Variants in ZNF816 observed in about 807,000 individuals in gnomAD.
ZNF816 encodes the protein zinc finger protein 816A.
Under a neutral mutation model 8.3 loss-of-function variants are expected in ZNF816, and 11 were observed. That is an observed-to-expected ratio of 1.32 (90% CI 0.83 to 2.19). The LOEUF is 2.19. Ranked by LOEUF, ZNF816 falls within the 30% of genes most tolerant of loss-of-function variation. The pLI, the probability that ZNF816 is intolerant of heterozygous loss-of-function variation, is 0.00. For missense variants in ZNF816, 710 were observed against 779.3 expected (o/e 0.91, Z 1.06); for synonymous variants, 255 against 254.5 (o/e 1.00, Z -0.02).
In ZNF816 at chr19:52,957,749, TA is replaced by T. The variant is rs1192029912; in HGVS notation, c.-15-1646del. ...CCCAGACTTGTACTGTAGGAAGACA[TA>T]AAGTGATTCACCAGTTCTTGTACAT... is the stretch of plus-strand genomic sequence containing the variant. On this transcript the variant is annotated intron_variant, in intron 1 of 3. Coordinates refer to ENST00000444460, the MANE Select transcript of ZNF816 (RefSeq NM_001202457.3). The surrounding 1 kb of genome is among the most constrained non-coding windows in gnomAD (Gnocchi z 4.6). Among the ~76,000 whole-genome samples, 6 of 152,174 alleles carry T rather than the reference TA, an allele frequency of 3.9e-5. No homozygotes were observed. Among genetic ancestry groups the T allele is most frequent in the Non-Finnish European group, 8.8e-5 (6 of 68,036 alleles).
At chr19:52,955,740 T>G (rs958546378) in intron 2 of ZNF816, among the ~76,000 whole-genome samples, 3 of 152,178 alleles carry the variant, frequency 2.0e-5, no homozygotes, top group African/African-American at 7.2e-5. Flanking sequence ...GAACAATCCC[T>G]GCTGCCCAAC....
At chr19:52,956,396 C>G (rs1235192506) in intron 1 of ZNF816, 1 of 257,384 alleles carries the variant, frequency 3.9e-6, no homozygotes, top group Non-Finnish European at 7.4e-6. Context: ...AGAGCACAGC[C>G]CCCTCACCTC....
At chr19:52,955,210 A>C (rs1284731961) in intron 2 of ZNF816, among the ~76,000 whole-genome samples, 1 of 152,202 alleles carries the variant, frequency 6.6e-6, no homozygotes, top group Non-Finnish European at 1.5e-5. Context: ...AAAACAAAAA[A>C]AAAGTCTCTG....
rs561987741 is a variant in ZNF816, at chr19:52,950,613, G to C, written c.1162C>G (p.His388Asp). The change falls in exon 4 of 4, where the codon CAT becomes GAT. Residue 388 changes from histidine to aspartate, a missense_variant. Coordinates refer to ENST00000444460, the MANE Select transcript of ZNF816 (RefSeq NM_001202457.3). ...FSQKSSLQCH[H>D]ILHTGEKPYK... ...GGTTTCTCTCCAGTGTGAAGTATAT[G>C]ATGGCATTGAAGGGATGATTTCTGA... is the stretch of plus-strand genomic sequence containing the variant. The C allele has an allele frequency of 6.2e-7, 1 of 1,614,140 alleles. No homozygotes were observed. Among genetic ancestry groups the C allele is most frequent in the South Asian group, 1.1e-5 (1 of 91,080 alleles).
chr19:52,951,009 C>A lies in ZNF816; in HGVS notation c.766G>T (p.Glu256Ter). 1 of 1,614,026 alleles carries A rather than the reference C, an allele frequency of 6.2e-7. No homozygotes were observed. The highest frequency in any genetic ancestry group is 8.5e-7 in the Non-Finnish European group (1 of 1,179,978). The stretch of plus-strand genomic sequence containing the variant: ...TTGCCACATACATCACATTTATATT[C>A]TCTCTCTCTTGAATGGGTTATGTGG... ...RHHITHSRER[E>*]YKCDVCGKIF... Residue 256 changes from glutamate (E) to a stop codon, truncating the protein, a stop_gained, in exon 4 of 4, where the codon GAA (glutamate) becomes TAA (stop). Transcript: ENST00000444460. LOFTEE classifies it low-confidence loss of function (END_TRUNC).
rs753764754 is a variant in ZNF816 at position 52,950,267 on chromosome 19, T to C, written c.1508A>G (p.His503Arg). The change falls in exon 4 of 4, where the codon CAT becomes CGT. Residue 503 changes from histidine to arginine, a missense_variant. His to Arg is a conservative substitution (Grantham distance 29). Coordinates refer to ENST00000444460, the MANE Select transcript of ZNF816 (RefSeq NM_001202457.3). ...ACATTTGTAAGGTTTCTCTCCAGCA[T>C]GAAGTCTATGATGACGTGCAAGGTT... Reference protein sequence around the residue: ...RENLARHHRLHAGEKPYKCEE... With the variant: ...RENLARHHRLRAGEKPYKCEE... 3 of 1,613,526 alleles carry C rather than the reference T, an allele frequency of 1.9e-6. No individual in the cohort carries two copies. Among genetic ancestry groups the C allele is most frequent in the Admixed American group, 1.7e-5 (1 of 59,958 alleles).
intron 2 of ZNF816, among the ~76,000 whole-genome samples, chr19:52,954,501 T>C (rs2083492464): frequency 6.6e-6 from 1 of 152,050 alleles, no homozygotes; most frequent in Non-Finnish European, 1.5e-5. Flanking sequence ...ACATGAAAAT[T>C]TTCAGAACTT....
Position 52,957,680 on chromosome 19 carries a change from T to C in ZNF816, c.-15-1576A>G, listed in dbSNP as rs1407086919. On this transcript the variant is annotated intron_variant, in intron 1 of 3. Coordinates refer to ENST00000444460, the MANE Select transcript of ZNF816 (RefSeq NM_001202457.3). The surrounding 1 kb of genome is among the most constrained non-coding windows in gnomAD (Gnocchi z 4.6). ...CCCCTTTCCAAAAAGACTATTGTTA[T>C]AATCGGAGCCATGGGAGTTTTATCA... Among the ~76,000 whole-genome samples, 1 of 152,226 alleles carries C rather than the reference T, an allele frequency of 6.6e-6. No individual in the cohort carries two copies. The highest frequency in any genetic ancestry group is 1.5e-5 in the Non-Finnish European group (1 of 68,040).
intron 3 of ZNF816, chr19:52,952,394 A>G: frequency 2.5e-6 from 1 of 399,724 alleles, no homozygotes; most frequent in Non-Finnish European, 4.4e-6. Context: ...AAAAGAAAAC[A>G]AAACCACAAG....
chr19:52,956,365 A>G (rs938914062), intron 1 of ZNF816: 116 of 343,386 alleles, frequency 3.4e-4, no homozygotes, highest in African/African-American at 1.9e-3. Flanking sequence ...GCACAGATCT[A>G]GCCCTAACCA....
chr19:52,962,146 T>A (rs568638334), intron 1 of ZNF816, among the ~76,000 whole-genome samples: 160 of 152,240 alleles, frequency 1.1e-3, no homozygotes, highest in Admixed American at 2.0e-3. Context: ...TCATTGAGAC[T>A]GGACGGCCCC....
At chr19:52,954,932 C>A (rs1021082750) in intron 2 of ZNF816, among the ~76,000 whole-genome samples, 1 of 151,808 alleles carries the variant, frequency 6.6e-6, no homozygotes, top group African/African-American at 2.4e-5. Context: ...ACAGCGATTC[C>A]CCACTGAGAC....
intron 3 of ZNF816, chr19:52,951,824 G>C (rs1219031832): frequency 2.1e-5 from 10 of 483,246 alleles, no homozygotes. Flanking sequence ...CTTGAAGCCA[G>C]GAGGCAGAGG....
intron 2 of ZNF816, among the ~76,000 whole-genome samples, chr19:52,953,563 G>A (rs188400892): frequency 9.1e-4 from 38 of 41,868 alleles, no homozygotes; most frequent in African/African-American, 7.1e-3. Context: ...TATATAATAT[G>A]TATTTATAAA....
chr19:52,961,524 G>A (rs1245391315), intron 1 of ZNF816, among the ~76,000 whole-genome samples: 2 of 152,174 alleles, frequency 1.3e-5, no homozygotes, highest in Admixed American at 6.6e-5. Flanking sequence ...AACCCCTCCT[G>A]TGCTAGCAGT....
In ZNF816 at chr19:52,951,283, C is replaced by A. The variant is rs2083457330; in HGVS notation, c.492G>T (p.Leu164=). ...TAGTCTGAAACATGTGGAGTTCAGGCAGATGCGAATGAAAGCTTAATCCAA... is the reference window on the plus strand; with the variant it reads ...TAGTCTGAAACATGTGGAGTTCAGGAAGATGCGAATGAAAGCTTAATCCAA... The part of the protein sequence containing the change: ...DQLGLSFHSH[L]PELHMFQTKG... The change falls in exon 4 of 4, where the codon CTG becomes CTT. Residue 164 remains leucine, a synonymous_variant. Transcript: ENST00000444460. 1 of 1,614,154 alleles carries A rather than the reference C, an allele frequency of 6.2e-7. No homozygotes were observed. The highest frequency in any genetic ancestry group is 8.5e-7 in the Non-Finnish European group (1 of 1,180,036).
At chr19:52,960,821 GGGAGGCAAGGCCA>G (rs2083550440) in intron 1 of ZNF816, among the ~76,000 whole-genome samples, 1 of 152,132 alleles carries the variant, frequency 6.6e-6, no homozygotes, top group Non-Finnish European at 1.5e-5. Flanking sequence ...CCTGAAACCT[GGGAGGCAAGGCCA>G]AGCCCAGATA....
intron 3 of ZNF816, chr19:52,951,902 A>C (rs182972799): frequency 2.4e-6 from 1 of 417,842 alleles, no homozygotes; most frequent in Admixed American, 4.0e-5. Flanking sequence ...CTGTGTAGAA[A>C]AAAAAAAGAG....
chr19:52,958,767 A>T (rs949519606), intron 1 of ZNF816, among the ~76,000 whole-genome samples: 3 of 152,206 alleles, frequency 2.0e-5, no homozygotes, highest in African/African-American at 7.2e-5. Context: ...CTGAAGCCTA[A>T]GACCAGAAAG....
Sources: allele counts gnomAD v4.1 joint callset (sites outside exome capture counted in the v4.1 genomes callset), GRCh38; gene constraint gnomAD v4.1.1; non-coding constraint Gnocchi (gnomAD v3.1); transcripts MANE v1.5; gene names NCBI Gene and HGNC (gene_info 2026-07-23, HGNC 2026-07-21).